The following ZNF148 variants were observed in gnomAD, a reference collection of about 807,000 sequenced individuals.
ZNF148 encodes the protein zinc finger protein 148, also known as Beta-Enolase Repressor Factor-1.
Under a neutral mutation model 67.7 loss-of-function variants are expected in ZNF148, and 7 were observed. The observed-to-expected ratio is 0.10, with a 90% confidence interval of 0.06 to 0.19. The LOEUF (loss-of-function observed/expected upper bound fraction) is 0.19, where lower values mean the gene tolerates loss of function less well. ZNF148 is among the 10% of genes least tolerant of loss of function. The probability of loss-of-function intolerance (pLI) is 1.00; values close to 1 mark genes in which losing one functional copy is unlikely to be tolerated. For missense variants in ZNF148, 583 were observed against 947.1 expected (o/e 0.62, Z 5.05); for synonymous variants, 333 against 330.7 (o/e 1.01, Z -0.08).
intron 5 of ZNF148, among the ~76,000 whole-genome samples, chr3:125,286,550 T>G (rs1216718680): frequency 6.6e-6 from 1 of 152,156 alleles, no homozygotes; most frequent in Non-Finnish European, 1.5e-5. Flanking sequence ...CAAAGATACA[T>G]ACTCAAACAT....
chr3:125,373,480 G>A (rs767616056), intron 1 of ZNF148, among the ~76,000 whole-genome samples: 6 of 151,960 alleles, frequency 3.9e-5, no homozygotes, highest in Non-Finnish European at 7.4e-5. Flanking sequence ...TTGGAAATCT[G>A]GTCTGGTGTG....
chr3:125,361,464 C>A (rs1942539311), intron 1 of ZNF148, among the ~76,000 whole-genome samples: 1 of 152,122 alleles, frequency 6.6e-6, no homozygotes, highest in Non-Finnish European at 1.5e-5. Context: ...TTTCTACACC[C>A]TGACCTTCAA....
intron 7 of ZNF148, among the ~76,000 whole-genome samples, chr3:125,248,828 G>A (rs1936711524): frequency 6.6e-6 from 1 of 152,136 alleles, no homozygotes; most frequent in African/African-American, 2.4e-5. Context: ...TTCTGGATTT[G>A]GCTGTCAATT....
At chr3:125,244,191 A>G (rs772382126) in intron 7 of ZNF148, among the ~76,000 whole-genome samples, 4 of 152,144 alleles carry the variant, frequency 2.6e-5, no homozygotes, top group African/African-American at 9.7e-5. Context: ...TGTTTCCCCA[A>G]TGTGATGTTT....
At chr3:125,289,084 A>G (rs1452759804) in intron 4 of ZNF148, among the ~76,000 whole-genome samples, 1 of 152,172 alleles carries the variant, frequency 6.6e-6, no homozygotes, top group Non-Finnish European at 1.5e-5. Flanking sequence ...CTACATTTTC[A>G]ATCTATCCTT....
chr3:125,329,198 G>A (rs922216015), intron 2 of ZNF148, among the ~76,000 whole-genome samples: 1 of 148,474 alleles, frequency 6.7e-6, no homozygotes, highest in African/African-American at 2.5e-5. Flanking sequence ...CAGAAGATAT[G>A]GAAAAACACA....
At chr3:125,235,825 T>C (rs543672630) in intron 7 of ZNF148, among the ~76,000 whole-genome samples, 28 of 151,626 alleles carry the variant, frequency 1.8e-4, no homozygotes, top group African/African-American at 6.8e-4. Context: ...CTGGAAACCA[T>C]CATTCTCAGC....
chr3:125,307,623 T>G (rs1939956422), intron 4 of ZNF148, among the ~76,000 whole-genome samples: 1 of 152,024 alleles, frequency 6.6e-6, no homozygotes. Flanking sequence ...TTCAACCTAA[T>G]AAAAGTAATC....
At chr3:125,288,032 T>C (rs1938796471) in intron 5 of ZNF148, 71 bp downstream of exon 5, 1 of 1,604,104 alleles carries the variant, frequency 6.2e-7, no homozygotes, top group South Asian at 1.1e-5. Flanking sequence ...TCCAGCCAGG[T>C]TCTTGCCTAT....
In ZNF148 at chr3:125,230,422, C is replaced by T. The variant is rs1935804047; in HGVS notation, c.*1919G>A. ...ATTTACTTCAAAGAAGTCTTAAATT[C>T]TTGAAAACTTTGGCAGCAAAGAAAG... On this transcript the variant is annotated 3_prime_UTR_variant, in exon 9 of 9. Coordinates refer to ENST00000360647, the MANE Select transcript of ZNF148 (RefSeq NM_021964.3). The T allele has an allele frequency of 2.0e-5, 3 of 152,502 alleles. No homozygotes were observed. Among genetic ancestry groups the T allele is most frequent in the African/African-American group, 7.2e-5 (3 of 41,410 alleles). The allele number at this position is 152,502 out of a possible 1,614,324, so 9.4% of individuals were successfully genotyped here.
chr3:125,299,215 A>G (rs1041652501), intron 4 of ZNF148, among the ~76,000 whole-genome samples: 2 of 152,256 alleles, frequency 1.3e-5, no homozygotes, highest in Non-Finnish European at 2.9e-5. Context: ...CTGACTCTAC[A>G]TACCCTGTCC....
At chr3:125,345,840 C>CCAAAAAA (rs963280655) in intron 1 of ZNF148, among the ~76,000 whole-genome samples, 1 of 151,720 alleles carries the variant, frequency 6.6e-6, no homozygotes, top group African/African-American at 2.4e-5. Context: ...CCAACTGCTG[C>CCAAAAAA]CAAAAAACAA....
chr3:125,370,312 AACAC>A (rs141519525), intron 1 of ZNF148, among the ~76,000 whole-genome samples: 2 of 151,448 alleles, frequency 1.3e-5, no homozygotes, highest in African/African-American at 4.8e-5. Flanking sequence ...CACGCTGTCA[AACAC>A]ACACACACAC....
At chr3:125,344,297 C>A in intron 1 of ZNF148, 1 of 475,552 alleles carries the variant, frequency 2.1e-6, no homozygotes, top group South Asian at 2.1e-5. Context: ...GTGAAGCCCC[C>A]ATGACCTAGT....
intron 7 of ZNF148, among the ~76,000 whole-genome samples, chr3:125,237,475 G>A (rs902434557): frequency 2.0e-5 from 3 of 151,968 alleles, no homozygotes; most frequent in Non-Finnish European, 4.4e-5. Flanking sequence ...CCAGCTACTC[G>A]GGAGGCTGAG....
rs371923499 is a variant in ZNF148 at position 125,235,617 on chromosome 3, T to C, written c.668-1288A>G. 7.2e-5 allele frequency among the ~76,000 whole-genome samples: 11 copies of C among 152,266 alleles called. No homozygotes were observed. The East Asian group carries it at 1.9e-3, about 27-fold the overall frequency. ...CTCAGTACTTTCAACTCAATAATCA[T>C]TGAGTTAAACTTTTTTTAAATTTCA... is the stretch of plus-strand genomic sequence containing the variant. On this transcript the variant is annotated intron_variant, in intron 7 of 8. Coordinates refer to ENST00000360647, the MANE Select transcript of ZNF148 (RefSeq NM_021964.3).
Position 125,313,490 on chromosome 3 carries a change from T to C in ZNF148, c.151A>G (p.Ser51Gly). 6.2e-7 allele frequency: 1 copy of C among 1,614,188 alleles called. No homozygotes were observed. Among genetic ancestry groups the C allele is most frequent in the Non-Finnish European group, 8.5e-7 (1 of 1,180,024 alleles). ...ELQDSVLQDR[S>G]MPHQEILAAD... is the part of the protein sequence containing the mutation. Reference sequence around the variant, plus strand: ...GCAAGGATCTCCTGGTGAGGCATACTTCGATCTTGAAGTACTGAATCCTGT... The same window carrying C: ...GCAAGGATCTCCTGGTGAGGCATACCTCGATCTTGAAGTACTGAATCCTGT... Residue 51 changes from serine to glycine, a missense_variant, in exon 4 of 9, where the codon AGT becomes GGT. Transcript: ENST00000360647.
rs1943026590 is a variant in ZNF148, at chr3:125,375,144, C to G, written c.-276G>C. The stretch of plus-strand genomic sequence containing the variant: ...TCGCGCGGTCACCGACTGCAGGCGG[C>G]GGCAGCTCCAACCTTTCTAGGGGCC... On this transcript the variant is annotated 5_prime_UTR_variant, in exon 1 of 9. Coordinates refer to ENST00000360647, the MANE Select transcript of ZNF148 (RefSeq NM_021964.3). 6.6e-6 allele frequency: 1 copy of G among 151,890 alleles called. No individual in the cohort carries two copies. Among genetic ancestry groups the G allele is most frequent in the South Asian group, 2.1e-4 (1 of 4,830 alleles). 9.4% of individuals were successfully genotyped at this position (151,890 alleles called of 1,614,324 possible).
chr3:125,286,186 A>T (rs1938647027), intron 5 of ZNF148, among the ~76,000 whole-genome samples: 1 of 152,168 alleles, frequency 6.6e-6, no homozygotes, highest in Admixed American at 6.6e-5. Context: ...TTGTTCATTA[A>T]TGTAAAGAAC....
Sources: gnomAD v4.1 joint callset for allele counts (sites outside exome capture counted in the v4.1 genomes callset) on GRCh38, gnomAD v4.1.1 for gene constraint, MANE v1.5 for transcripts, NCBI Gene and HGNC (gene_info 2026-07-23, HGNC 2026-07-21) for gene names.